The following ACTR2 variants were observed in gnomAD, a reference collection of about 807,000 sequenced individuals.
The protein encoded by ACTR2 is actin related protein 2, also known as actin-related protein 2.
A neutral mutation model predicts 50.2 loss-of-function variants in ACTR2; 5 were observed. The observed-to-expected ratio is 0.10, with a 90% CI of 0.05 to 0.21. The LOEUF (loss-of-function observed/expected upper bound fraction) is 0.21. Ranked by LOEUF, ACTR2 falls within the 10% of genes least tolerant of loss-of-function variation. ACTR2 has a pLI of 1.00. For synonymous variants in ACTR2, 140 were observed against 162.9 expected (o/e 0.86, Z 1.07); for missense variants, 180 against 480.6 (o/e 0.37, Z 5.85).
intron 1 of ACTR2, among the ~76,000 whole-genome samples, chr2:65,235,103 G>C (rs1200964397): frequency 6.6e-6 from 1 of 152,118 alleles, no homozygotes; most frequent in African/African-American, 2.4e-5. Flanking sequence ...ATTTAAGTTT[G>C]TATCAAGTAA....
intron 3 of ACTR2, 54 bp from the exon 4 acceptor site, chr2:65,250,968 ATTTAT>A: frequency 8.1e-7 from 1 of 1,237,660 alleles, no homozygotes; most frequent in South Asian, 1.3e-5. Context: ...TGAGGAAAAC[ATTTAT>A]TTATTATGTA....
intron 8 of ACTR2, among the ~76,000 whole-genome samples, chr2:65,267,831 T>G (rs1672403153): frequency 6.7e-6 from 1 of 148,654 alleles, no homozygotes; most frequent in South Asian, 2.1e-4. Context: ...ATCATAACAG[T>G]ATGAGACCTT....
chr2:65,266,554 G>A (rs1672375677), intron 8 of ACTR2, among the ~76,000 whole-genome samples: 1 of 152,014 alleles, frequency 6.6e-6, no homozygotes, highest in Non-Finnish European at 1.5e-5. Flanking sequence ...GAAAGTCTTG[G>A]GTGTGGGGGC....
chr2:65,251,444 C>T (rs993680596), intron 4 of ACTR2, among the ~76,000 whole-genome samples: 1 of 152,200 alleles, frequency 6.6e-6, no homozygotes, highest in Non-Finnish European at 1.5e-5. Context: ...TTACCACAAC[C>T]TCCACCTCCT....
intron 8 of ACTR2, among the ~76,000 whole-genome samples, chr2:65,267,267 G>C (rs1672390607): frequency 6.6e-6 from 1 of 152,138 alleles, no homozygotes; most frequent in Non-Finnish European, 1.5e-5. Flanking sequence ...GCACCTTCTA[G>C]CTACATGTGG....
Position 65,268,741 on chromosome 2 carries a change from A to G in ACTR2, c.*7A>G, listed in dbSNP as rs770390466. 2.5e-6 allele frequency: 4 copies of G among 1,612,558 alleles called. No homozygotes were observed. In the East Asian group the frequency reaches 6.7e-5, roughly 27 times the overall value. Reference sequence around the variant, plus strand: ...TGGTGTGACTGTTCGATAAACTCCAAAGCTTGTTCCCGTCATACCCGTAAT... The same window carrying G: ...TGGTGTGACTGTTCGATAAACTCCAGAGCTTGTTCCCGTCATACCCGTAAT... On this transcript the variant is annotated 3_prime_UTR_variant, in exon 9 of 9. Coordinates refer to ENST00000260641, the MANE Select transcript of ACTR2 (RefSeq NM_005722.4).
intron 1 of ACTR2, among the ~76,000 whole-genome samples, chr2:65,229,361 A>T (rs1191349404): frequency 3.3e-5 from 5 of 152,228 alleles, no homozygotes; most frequent in Admixed American, 6.5e-5. Context: ...TTACTGCCAT[A>T]ATACTGCCCT....
intron 6 of ACTR2, among the ~76,000 whole-genome samples, chr2:65,260,893 G>T (rs991087510): frequency 2.6e-5 from 4 of 151,782 alleles, no homozygotes; most frequent in African/African-American, 9.7e-5. Context: ...ACCACACCCG[G>T]CTAATTTTTT....
chr2:65,241,655 A>T (rs1671842529), intron 2 of ACTR2, among the ~76,000 whole-genome samples: 3 of 151,718 alleles, frequency 2.0e-5, no homozygotes, highest in South Asian at 4.2e-4. Flanking sequence ...GCTATCTAAC[A>T]CTCTGCCTAC....
At chr2:65,230,810 T>C (rs1004900166) in intron 1 of ACTR2, among the ~76,000 whole-genome samples, 1 of 152,074 alleles carries the variant, frequency 6.6e-6, no homozygotes, top group Non-Finnish European at 1.5e-5. Context: ...TCCCAGCACT[T>C]TGGGAGGCCG....
chr2:65,267,348 A>G (rs759975232), intron 8 of ACTR2, among the ~76,000 whole-genome samples: 2 of 152,214 alleles, frequency 1.3e-5, no homozygotes, highest in African/African-American at 2.4e-5. Context: ...GCTGACCCCT[A>G]TGTAAGAGCA....
chr2:65,256,597 C>G (rs191860087), intron 6 of ACTR2, among the ~76,000 whole-genome samples: 1 of 152,112 alleles, frequency 6.6e-6, no homozygotes, highest in Non-Finnish European at 1.5e-5. Context: ...GTTGGCCGGG[C>G]GCGGTGGCTC....
intron 2 of ACTR2, 56 bp from the exon 3 acceptor site, chr2:65,246,468 A>C (rs1309730278): frequency 2.1e-5 from 25 of 1,214,218 alleles, no homozygotes; most frequent in Non-Finnish European, 2.9e-5. Flanking sequence ...ATTATTCCCA[A>C]GTTTTCTTAA....
At chr2:65,247,025 G>T (rs1671950331) in intron 3 of ACTR2, among the ~76,000 whole-genome samples, 1 of 151,974 alleles carries the variant, frequency 6.6e-6, no homozygotes, top group South Asian at 2.1e-4. Context: ...AAGTTTTTAT[G>T]GAGGAGCCAG....
intron 7 of ACTR2, among the ~76,000 whole-genome samples, chr2:65,261,833 T>C (rs1486635518): frequency 1.3e-5 from 2 of 152,228 alleles, no homozygotes; most frequent in African/African-American, 2.4e-5. Context: ...GTAATAGCTG[T>C]ACTAATTCAC....
At chr2:65,268,418 G>A in intron 8 of ACTR2, 146 bp from the exon 9 acceptor site, 5 of 616,036 alleles carry the variant, frequency 8.1e-6, no homozygotes, top group Non-Finnish European at 1.3e-5. Flanking sequence ...AAATGTTTCT[G>A]TACCTCAGGT....
chr2:65,237,851 A>C (rs1399608541), intron 1 of ACTR2, among the ~76,000 whole-genome samples: 1 of 152,062 alleles, frequency 6.6e-6, no homozygotes, highest in Admixed American at 6.5e-5. Flanking sequence ...GTGGTGAGGT[A>C]CACCTGTAGT....
chr2:65,230,805 G>C (rs1671622733), intron 1 of ACTR2, among the ~76,000 whole-genome samples: 1 of 152,212 alleles, frequency 6.6e-6, no homozygotes, highest in Non-Finnish European at 1.5e-5. Flanking sequence ...TGTAATCCCA[G>C]CACTTTGGGA....
At chr2:65,252,375 T>C (rs969089649) in intron 4 of ACTR2, among the ~76,000 whole-genome samples, 1 of 152,064 alleles carries the variant, frequency 6.6e-6, no homozygotes, top group African/African-American at 2.4e-5. Flanking sequence ...GTGTGGTGGC[T>C]CACGCCTGTA....
Sources: gnomAD v4.1 joint callset for allele counts (sites outside exome capture counted in the v4.1 genomes callset) on GRCh38, gnomAD v4.1.1 for gene constraint, MANE v1.5 for transcripts, NCBI Gene and HGNC (gene_info 2026-07-23, HGNC 2026-07-21) for gene names.